Variants in TNNT3 observed in about 807,000 individuals in gnomAD.
TNNT3 encodes the protein troponin T3, fast skeletal type, also known as troponin T, fast skeletal muscle.
In TNNT3, 36 loss-of-function variants were observed where a neutral mutation model predicts 54.2. That is an observed-to-expected ratio of 0.66 (90% CI 0.51 to 0.88). TNNT3 has a LOEUF of 0.88. Ranked by LOEUF, TNNT3 falls within the 40% of genes least tolerant of loss-of-function variation. The pLI, the probability that TNNT3 is intolerant of heterozygous loss-of-function variation, is 0.00. For missense variants in TNNT3, 291 were observed against 331.6 expected (o/e 0.88, Z 0.95); for synonymous variants, 120 against 109.7 (o/e 1.09, Z -0.59).
intron 15 of TNNT3, 81 bp downstream of exon 15, chr11:1,937,084 G>GCCAGCCACCA: frequency 1.4e-6 from 2 of 1,450,842 alleles, no homozygotes; most frequent in Non-Finnish European, 1.9e-6. Flanking sequence ...CCTAACAAGG[G>GCCAGCCACCA]CCGGTGGTGG....
At position 1,938,550 on chromosome 11, in the gene TNNT3, G is replaced by A. The variant is rs1428600720; in HGVS notation, c.*58G>A. On this transcript the variant is annotated 3_prime_UTR_variant, in exon 16 of 16. Transcript: ENST00000278317. ...CTCCGCCCTCTTGCACACCAGGGCC[G>A]CTCGTGGGACTCCACATCCTCCAGC... 10 of 1,552,808 alleles carry A rather than the reference G, an allele frequency of 6.4e-6. No homozygotes were observed. The highest frequency in any genetic ancestry group is 5.2e-5 in the Admixed American group (3 of 58,044).
At chr11:1,922,657 G>A in intron 1 of TNNT3, 200 bp from the exon 2 acceptor site, 2 of 622,696 alleles carry the variant, frequency 3.2e-6, no homozygotes, top group Non-Finnish European at 5.8e-6. Flanking sequence ...GGGGCGCCAA[G>A]AGCTGGGAGG....
At position 1,923,552 on chromosome 11, in the gene TNNT3, C is replaced by T; in HGVS notation, c.32-3C>T. 1 of 1,614,062 alleles carries T rather than the reference C, an allele frequency of 6.2e-7. No individual in the cohort carries two copies. The highest frequency in any genetic ancestry group is 8.5e-7 in the Non-Finnish European group (1 of 1,179,982). On this transcript the variant is annotated splice_region_variant and splice_polypyrimidine_tract_variant and intron_variant, in intron 3 of 15. Coordinates refer to ENST00000278317, the MANE Select transcript of TNNT3 (RefSeq NM_006757.4). ...TTCCCCTCTTTGTTCTGTCCCAATG[C>T]AGAGCAGTACGAAGAAGAAGGTAAT...
intron 5 of TNNT3, 69 bp downstream of exon 5, chr11:1,925,185 C>G: frequency 3.1e-6 from 5 of 1,598,040 alleles, no homozygotes; most frequent in Non-Finnish European, 1.7e-6. Context: ...CAAAGTTGAC[C>G]TCCACCCCGC....
chr11:1,935,140 G>A lies in TNNT3; in HGVS notation c.681+221G>A, dbSNP rs186623470. On this transcript the variant is annotated intron_variant, in intron 14 of 15. Coordinates refer to ENST00000278317, the MANE Select transcript of TNNT3 (RefSeq NM_006757.4). ...CTCCTGGCTGGCCATGCAGCGCCCT[G>A]AGCGATGAACCTGGCCCCTTTGGGC... 898 of 623,548 alleles carry A rather than the reference G, an allele frequency of 1.4e-3. 6 individuals are homozygous for A. The highest frequency in any genetic ancestry group is 9.7e-3 in the East Asian group (344 of 35,628). The allele number at this position is 623,548 out of a possible 1,614,324, so 38.6% of individuals were successfully genotyped here. A position where few individuals can be genotyped will look rare whatever the true frequency, so the allele number is the denominator to read the frequency against.
At chr11:1,929,222 T>A (rs1197923952) in intron 7 of TNNT3, 79 bp downstream of exon 7, 3 of 1,514,900 alleles carry the variant, frequency 2.0e-6, no homozygotes, top group Non-Finnish European at 2.7e-6. Context: ...GGCTGGGGTC[T>A]CTCGCTGCCC....
Position 1,932,520 on chromosome 11 carries a change from T to C in TNNT3, c.171+6T>C. 6.2e-7 allele frequency: 1 copy of C among 1,613,618 alleles called. No individual in the cohort carries two copies. Among genetic ancestry groups the C allele is most frequent in the Non-Finnish European group, 8.5e-7 (1 of 1,179,762 alleles). On this transcript the variant is annotated splice_donor_region_variant and intron_variant, in intron 9 of 15. Transcript: ENST00000278317. ...GGGAGAAAGTGGACTTCGATGTAAG[T>C]TTACAGGACTCTGGTTAACATGTCC...
intron 14 of TNNT3, chr11:1,936,121 C>A: frequency 6.9e-7 from 1 of 1,457,106 alleles, no homozygotes; most frequent in Non-Finnish European, 9.6e-7. Flanking sequence ...GGCTCCAGAG[C>A]CTGGAGGGCC....
Position 1,926,448 on chromosome 11 carries a change from G to A in TNNT3, c.68-247G>A, listed in dbSNP as rs73413023. 3.3e-3 allele frequency: 5,344 copies of A among 1,613,110 alleles called. 120 individuals carry two copies. In the African/African-American group the frequency reaches 0.053, roughly 16 times the overall value. ...GACCCGCGGTTTTGCCTCTTGTTCCGTGGCCTCCTTGGCCCGTGAAGTTCA... is the reference window on the plus strand; with the variant it reads ...GACCCGCGGTTTTGCCTCTTGTTCCATGGCCTCCTTGGCCCGTGAAGTTCA... On this transcript the variant is annotated intron_variant, in intron 5 of 15. Coordinates refer to ENST00000278317, the MANE Select transcript of TNNT3 (RefSeq NM_006757.4).
chr11:1,936,614 C>T (rs73413047), intron 14 of TNNT3, among the ~76,000 whole-genome samples: 2,458 of 152,326 alleles, frequency 0.016, 61 homozygotes, highest in African/African-American at 0.053. Flanking sequence ...AGGAGGGGTC[C>T]GCAGGCCTCA....
intron 8 of TNNT3, among the ~76,000 whole-genome samples, chr11:1,931,810 G>A (rs1243029137): frequency 6.8e-6 from 1 of 146,696 alleles, no homozygotes; most frequent in Non-Finnish European, 1.5e-5. Context: ...TGGTGCTCCT[G>A]AGCTTAGGAA....
At chr11:1,925,529 G>A (rs1215226247) in intron 5 of TNNT3, among the ~76,000 whole-genome samples, 3 of 151,904 alleles carry the variant, frequency 2.0e-5, no homozygotes, top group African/African-American at 7.3e-5. Flanking sequence ...CCAGGCAGGT[G>A]CAGGCTGGGC....
At chr11:1,929,062 C>T (rs1479611507) in intron 6 of TNNT3, 58 bp from the exon 7 acceptor site, 1 of 1,607,690 alleles carries the variant, frequency 6.2e-7, no homozygotes, top group Non-Finnish European at 8.5e-7. Flanking sequence ...CACTGCTCCC[C>T]CGCAGCCGCA....
At chr11:1,933,584 T>G in intron 9 of TNNT3, 137 bp from the exon 10 acceptor site, 1 of 727,662 alleles carries the variant, frequency 1.4e-6, no homozygotes, top group South Asian at 1.5e-5. Flanking sequence ...CCTTGCCACT[T>G]GCCATTTTCA....
chr11:1,921,843 G>A (rs960954746), intron 1 of TNNT3, among the ~76,000 whole-genome samples: 3 of 152,190 alleles, frequency 2.0e-5, no homozygotes, highest in Admixed American at 6.5e-5. Flanking sequence ...CCAACATGCC[G>A]GTGCAGCTGC....
chr11:1,934,055 G>T, intron 11 of TNNT3, 47 bp downstream of exon 11: 8 of 1,580,358 alleles, frequency 5.1e-6, no homozygotes, highest in Non-Finnish European at 6.9e-6. Flanking sequence ...ATGAGCCCCA[G>T]GCCCAGAGAA....
chr11:1,923,444 G>C (rs1334883101), intron 3 of TNNT3, 111 bp from the exon 4 acceptor site: 1 of 1,181,398 alleles, frequency 8.5e-7, no homozygotes, highest in Non-Finnish European at 1.3e-6. Context: ...CTTGGGCAGG[G>C]GCAGTCGCTG....
chr11:1,922,794 C>T, intron 1 of TNNT3, 63 bp from the exon 2 acceptor site: 2 of 1,543,350 alleles, frequency 1.3e-6, no homozygotes, highest in African/African-American at 1.4e-5. Context: ...ATCCTACACC[C>T]AGGCAGCTCG....
rs1161163094 is a variant in TNNT3 at position 1,932,455 on chromosome 11, T to C, written c.126-14T>C. ...CCGGGTCTCTGCTCACGGGCCTCTC[T>C]GTCTCCTCTTCAGACTCACTGCTCC... On this transcript the variant is annotated splice_polypyrimidine_tract_variant and intron_variant, in intron 8 of 15. Transcript: ENST00000278317. 1 of 1,613,488 alleles carries C rather than the reference T, an allele frequency of 6.2e-7. No individual in the cohort carries two copies. The highest frequency in any genetic ancestry group is 1.3e-5 in the African/African-American group (1 of 74,906).
Sources: allele counts gnomAD v4.1 joint callset (sites outside exome capture counted in the v4.1 genomes callset), GRCh38; gene constraint gnomAD v4.1.1; transcripts MANE v1.5; gene names NCBI Gene and HGNC (gene_info 2026-07-23, HGNC 2026-07-21).